The following RGP1 variants were observed in gnomAD, a reference collection of about 807,000 sequenced individuals.
RGP1 encodes the protein RAB6A-GEF complex partner protein 2.
In RGP1, 28 loss-of-function variants were observed where a neutral mutation model predicts 44.5. The observed-to-expected ratio is 0.63, with a 90% CI of 0.47 to 0.86. The LOEUF is 0.86. Among genes scored for constraint, RGP1 ranks in the 40% least tolerant of loss-of-function variants. RGP1 has a pLI of 0.00. For missense variants in RGP1, 417 were observed against 490.7 expected, an observed-to-expected ratio of 0.85 and a Z score of 1.42; for synonymous variants, 212 against 196.7, an observed-to-expected ratio of 1.08 and a Z score of -0.65.
chr9:35,750,211 A>G lies in RGP1; in HGVS notation c.117-32A>G, dbSNP rs745926489. On this transcript the variant is annotated intron_variant, in intron 2 of 8. Transcript: ENST00000378078. ...GAAAGCATTTGTGAGGTCAGGAACTACCTCTGATGCCTCCTTTTCCTTTTC... is the reference window on the plus strand; with the variant it reads ...GAAAGCATTTGTGAGGTCAGGAACTGCCTCTGATGCCTCCTTTTCCTTTTC... 3.7e-6 allele frequency: 6 copies of G among 1,604,566 alleles called. No homozygotes were observed. In the Admixed American group the frequency reaches 5.1e-5, roughly 14 times the overall value.
chr9:35,758,925 G>T (rs970341611), downstream of RGP1, among the ~76,000 whole-genome samples: 1 of 151,938 alleles, frequency 6.6e-6, no homozygotes, highest in African/African-American at 2.4e-5. Context: ...TTTTAAAAAA[G>T]CTAGGCTTGA....
chr9:35,751,622 C>T lies in RGP1; in HGVS notation c.635-5C>T, dbSNP rs759195925. On this transcript the variant is annotated splice_region_variant and splice_polypyrimidine_tract_variant and intron_variant, in intron 6 of 8. Coordinates refer to ENST00000378078, the MANE Select transcript of RGP1 (RefSeq NM_001080496.3). ...TCCAGGCTTATAGTGTCCTATTCTC[C>T]CCAGATCTATACAATATCAGTGATG... is the stretch of plus-strand genomic sequence containing the variant. The T allele has an allele frequency of 6.2e-7, 1 of 1,613,824 alleles. No homozygotes were observed. Among genetic ancestry groups the T allele is most frequent in the African/African-American group, 1.3e-5 (1 of 74,878 alleles).
At chr9:35,761,514 G>T (rs1827415956), downstream of RGP1, among the ~76,000 whole-genome samples, 2 of 151,966 alleles carry the variant, frequency 1.3e-5, no homozygotes, top group Non-Finnish European at 2.9e-5. Flanking sequence ...CTACAAAAAA[G>T]AATACAGAAA....
rs1827361962 is a variant in RGP1 at position 35,756,619 on chromosome 9, T to C, written c.*3745T>C. ...CACGAGGGCCCAAAGGTCTTGTCAG[T>C]GGCCAGTAGCTCTGCCGCCTTTCCC... is the stretch of plus-strand genomic sequence containing the variant. On this transcript the variant is annotated 3_prime_UTR_variant, in exon 9 of 9. Transcript: ENST00000378078. 2 of 152,420 alleles carry C rather than the reference T, an allele frequency of 1.3e-5. No homozygotes were observed. Among genetic ancestry groups the C allele is most frequent in the African/African-American group, 2.4e-5 (1 of 41,580 alleles). The allele number at this position is 152,420 out of a possible 1,614,324, so 9.4% of individuals were successfully genotyped here.
the RGP1 span, among the ~76,000 whole-genome samples, chr9:35,765,568 G>C: frequency 1.3e-5 from 2 of 150,986 alleles, no homozygotes; most frequent in African/African-American, 2.4e-5. Context: ...GAGGTGGTAG[G>C]ATCATCTGAG....
At chr9:35,761,304 C>T (rs1046004505), downstream of RGP1, among the ~76,000 whole-genome samples, 1 of 152,192 alleles carries the variant, frequency 6.6e-6, no homozygotes, top group African/African-American at 2.4e-5. Context: ...AATGTCTTTA[C>T]AATTTGCTTT....
chr9:35,764,145 G>C, the RGP1 span, among the ~76,000 whole-genome samples: 1 of 152,016 alleles, frequency 6.6e-6, no homozygotes, highest in African/African-American at 2.4e-5. Flanking sequence ...AAAAGAAGAA[G>C]AAGAAAAAAG....
Position 35,749,772 on chromosome 9 carries a change from C to T in RGP1, c.17C>T (p.Ala6Val). 2 of 1,613,330 alleles carry T rather than the reference C, an allele frequency of 1.2e-6. No homozygotes were observed. Among genetic ancestry groups the T allele is most frequent in the South Asian group, 1.1e-5 (1 of 91,006 alleles). The part of the protein sequence containing the change: MIEVV[A>V]ELSRGPVFLA... ...GGAGCTGCCATGATTGAAGTGGTAG[C>T]AGAGCTCAGCCGGGGTCCTGTATTT... The change falls in exon 2 of 9, where the codon GCA becomes GTA. Residue 6 changes from alanine (A) to valine (V), a missense_variant. Ala to Val is a moderately conservative substitution (Grantham distance 64, BLOSUM62 0). Coordinates refer to ENST00000378078, the MANE Select transcript of RGP1 (RefSeq NM_001080496.3). This position sits in a 1 kb window ranked among gnomAD's most constrained non-coding sequence, Gnocchi z 4.4.
chr9:35,779,418 G>A, the RGP1 span, among the ~76,000 whole-genome samples: 1 of 152,214 alleles, frequency 6.6e-6, no homozygotes. Flanking sequence ...CAGTGGATTT[G>A]TTCAGCTCCG....
Position 35,758,161 on chromosome 9 carries a change from G to C in RGP1, c.*5287G>C, listed in dbSNP as rs1827385437. On this transcript the variant is annotated 3_prime_UTR_variant, in exon 9 of 9. Coordinates refer to ENST00000378078, the MANE Select transcript of RGP1 (RefSeq NM_001080496.3). Reference sequence around the variant, plus strand: ...TGTCTTTATTTTTAGCCTTTTTTCTGTGTAGCCCTCTAACCTGCCCTTTAT... The same window carrying C: ...TGTCTTTATTTTTAGCCTTTTTTCTCTGTAGCCCTCTAACCTGCCCTTTAT... 1 of 151,818 alleles carries C rather than the reference G, an allele frequency of 6.6e-6. No homozygotes were observed. The highest frequency in any genetic ancestry group is 1.5e-5 in the Non-Finnish European group (1 of 67,978). The allele number at this position is 151,818 out of a possible 1,614,324, so 9.4% of individuals were successfully genotyped here.
At chr9:35,772,145 G>C in the RGP1 span, 1 of 152,178 alleles carries the variant, frequency 6.6e-6, no homozygotes, top group South Asian at 2.1e-4. Flanking sequence ...GTGAAACAAG[G>C]TCATTTTCTA....
At chr9:35,750,134 C>G (rs996368413) in intron 2 of RGP1, 109 bp from the exon 3 acceptor site, 6 of 1,437,592 alleles carry the variant, frequency 4.2e-6, no homozygotes, top group Non-Finnish European at 5.5e-6. Context: ...TTCCTGATCA[C>G]TAGGACAGCC....
chr9:35,786,485 G>A, the RGP1 span, among the ~76,000 whole-genome samples: 1 of 152,246 alleles, frequency 6.6e-6, no homozygotes, highest in Non-Finnish European at 1.5e-5. Flanking sequence ...CCAAGTGTGA[G>A]AGGGCAGAGA....
Position 35,749,931 on chromosome 9 carries a change from G to T in RGP1, c.116+60G>T. 7.7e-7 allele frequency: 1 copy of T among 1,300,592 alleles called. No homozygotes were observed. Among genetic ancestry groups the T allele is most frequent in the Non-Finnish European group, 1.1e-6 (1 of 907,204 alleles). 80.6% of individuals were successfully genotyped at this position (1,300,592 alleles called of 1,614,324 possible). A position where few individuals can be genotyped will look rare whatever the true frequency, so the allele number is the denominator to read the frequency against. On this transcript the variant is annotated intron_variant, in intron 2 of 8. Transcript: ENST00000378078. The surrounding 1 kb of genome is among the most constrained non-coding windows in gnomAD (Gnocchi z 4.4). ...TGGGAAGAAGCCAGATTATCTCTGG[G>T]GCTGAGGCAGAGCTCAGGTTGTCCT...
At chr9:35,767,293 T>G in the RGP1 span, among the ~76,000 whole-genome samples, 69 of 150,574 alleles carry the variant, frequency 4.6e-4, no homozygotes, top group African/African-American at 1.6e-3. Context: ...GTTTTTTTTT[T>G]TTTTTTTTTT....
chr9:35,778,959 A>G, the RGP1 span, among the ~76,000 whole-genome samples: 1 of 152,170 alleles, frequency 6.6e-6, no homozygotes, highest in East Asian at 1.9e-4. Context: ...CTGTCACTCA[A>G]AAGATGACTT....
At chr9:35,765,081 G>A in the RGP1 span, among the ~76,000 whole-genome samples, 2 of 148,634 alleles carry the variant, frequency 1.3e-5, no homozygotes, top group South Asian at 2.1e-4. Flanking sequence ...CCAAGATGGC[G>A]CCACTGCACT....
At chr9:35,763,256 T>C (rs954646806), downstream of RGP1, among the ~76,000 whole-genome samples, 8 of 152,212 alleles carry the variant, frequency 5.3e-5, no homozygotes, top group Non-Finnish European at 7.3e-5. Flanking sequence ...TCTCCCTATC[T>C]CTTAGAACTT....
chr9:35,753,106 G>T lies in RGP1; in HGVS notation c.*232G>T, dbSNP rs202139382. ...GATGGATGATCAGTTGAGTTTAGCT[G>T]GAGTGGGGAGCAGGAGCCCCAGGAA... On this transcript the variant is annotated 3_prime_UTR_variant, in exon 9 of 9. Transcript: ENST00000378078. This position sits in a 1 kb window ranked among gnomAD's most constrained non-coding sequence, Gnocchi z 4.2. 1.0e-4 allele frequency: 162 copies of T among 1,613,684 alleles called. No homozygotes were observed. Among genetic ancestry groups the T allele is most frequent in the Non-Finnish European group, 5.9e-6 (7 of 1,179,730 alleles).
Sources: allele counts gnomAD v4.1 joint callset (sites outside exome capture counted in the v4.1 genomes callset), GRCh38; gene constraint gnomAD v4.1.1; non-coding constraint Gnocchi (gnomAD v3.1); transcripts MANE v1.5; gene names NCBI Gene and HGNC (gene_info 2026-07-23, HGNC 2026-07-21).